The following RAPH1 variants were observed in gnomAD, a reference collection of about 807,000 sequenced individuals.
RAPH1 encodes the protein Ras association (RalGDS/AF-6) and pleckstrin homology domains 1.
Under a neutral mutation model 88.1 loss-of-function variants are expected in RAPH1, and 18 were observed. That is an observed-to-expected ratio of 0.20 (90% CI 0.14 to 0.30). RAPH1 has a LOEUF of 0.30. Among genes scored for constraint, RAPH1 ranks in the 10% least tolerant of loss-of-function variants. RAPH1 has a pLI of 1.00. For synonymous variants in RAPH1, 587 were observed against 559.0 expected (o/e 1.05, Z -0.71); for missense variants, 1,448 against 1,543.2 (o/e 0.94, Z 1.03).
Position 203,438,111 on chromosome 2 carries a change from T to TG in RAPH1, c.*1325dup. ...AAAACGTAATGTCAGTTACTGGACT[T>TG]GGACTGTCCCACTCCATCAGAACAC... On this transcript the variant is annotated 3_prime_UTR_variant, in exon 14 of 14. Transcript: ENST00000319170. The TG allele has an allele frequency of 1.9e-6, 1 of 518,134 alleles. No individual in the cohort carries two copies. The highest frequency in any genetic ancestry group is 1.4e-5 in the South Asian group (1 of 71,140). The allele number at this position is 518,134 out of a possible 1,614,324, so 32.1% of individuals were successfully genotyped here. A position where few individuals can be genotyped will look rare whatever the true frequency, so the allele number is the denominator to read the frequency against.
chr2:203,473,073 C>T (rs1442924394), intron 4 of RAPH1, among the ~76,000 whole-genome samples: 2 of 152,070 alleles, frequency 1.3e-5, no homozygotes, highest in Admixed American at 1.3e-4. Flanking sequence ...TGGATGGTTA[C>T]GTAGCTATTC....
At chr2:203,445,930 A>G (rs966879897) in intron 12 of RAPH1, 3 of 152,134 alleles carry the variant, frequency 2.0e-5, no homozygotes, top group Admixed American at 1.3e-4. Context: ...CCATTTAGCA[A>G]TATGTTTGGT....
chr2:203,522,670 G>C (rs780275414), intron 1 of RAPH1, among the ~76,000 whole-genome samples: 1 of 152,078 alleles, frequency 6.6e-6, no homozygotes, highest in Non-Finnish European at 1.5e-5. Context: ...GGAAGGCTGA[G>C]GCAGGCGGAT....
intron 1 of RAPH1, among the ~76,000 whole-genome samples, chr2:203,519,987 G>T (rs1689790857): frequency 6.6e-6 from 1 of 152,114 alleles, no homozygotes; most frequent in Non-Finnish European, 1.5e-5. Flanking sequence ...CTTTGTCACT[G>T]GAATTTCTTA....
chr2:203,491,131 T>G, intron 3 of RAPH1, 83 bp downstream of exon 3: 2 of 753,670 alleles, frequency 2.7e-6, no homozygotes, highest in East Asian at 5.5e-5. Flanking sequence ...ATCGAGTTTT[T>G]ATATTGGGAA....
At chr2:203,531,326 GCAAA>G (rs1159615258) in intron 1 of RAPH1, among the ~76,000 whole-genome samples, 1 of 152,100 alleles carries the variant, frequency 6.6e-6, no homozygotes, top group African/African-American at 2.4e-5. Flanking sequence ...AATGGGGGCA[GCAAA>G]CAAACATGGC....
At position 203,437,688 on chromosome 2, in the gene RAPH1, G is replaced by A. The variant is rs1368201348; in HGVS notation, c.*1749C>T. On this transcript the variant is annotated 3_prime_UTR_variant, in exon 14 of 14. Coordinates refer to ENST00000319170, the MANE Select transcript of RAPH1 (RefSeq NM_213589.3). ...CTGTTTACGATGCGGTTTTCGTGGA[G>A]TGTGGGTTATGCAAGACCTTGAGTA... 6.5e-6 allele frequency: 1 copy of A among 154,296 alleles called. No homozygotes were observed. The highest frequency in any genetic ancestry group is 6.5e-5 in the Admixed American group (1 of 15,378). The allele number at this position is 154,296 out of a possible 1,614,324, so 9.6% of individuals were successfully genotyped here.
chr2:203,501,368 A>G (rs548450954), intron 1 of RAPH1, among the ~76,000 whole-genome samples: 1 of 152,356 alleles, frequency 6.6e-6, no homozygotes, highest in Non-Finnish European at 1.5e-5. Flanking sequence ...CAACTACACT[A>G]TTTTAAAACA....
At chr2:203,513,105 T>C (rs1483392114) in intron 1 of RAPH1, among the ~76,000 whole-genome samples, 1 of 152,044 alleles carries the variant, frequency 6.6e-6, no homozygotes, top group Non-Finnish European at 1.5e-5. Flanking sequence ...AAACAAGGAA[T>C]CAGGAGACTT....
chr2:203,512,355 C>CA (rs371978714), intron 1 of RAPH1, among the ~76,000 whole-genome samples: 46,523 of 103,096 alleles, frequency 0.45, 8,719 homozygotes, highest in African/African-American at 0.56. Flanking sequence ...GACTCTGTCT[C>CA]AAAAAAAAAA....
At chr2:203,444,386 C>T (rs991590985) in intron 13 of RAPH1, 1 of 137,270 alleles carries the variant, frequency 7.3e-6, no homozygotes, top group East Asian at 2.2e-4. Flanking sequence ...GAGCTGAGAT[C>T]ACGCCACTGC....
intron 1 of RAPH1, among the ~76,000 whole-genome samples, chr2:203,509,639 G>A (rs890329823): frequency 1.3e-5 from 2 of 152,098 alleles, no homozygotes; most frequent in Admixed American, 1.3e-4. Flanking sequence ...CAGATAGGAG[G>A]TATTACTAAA....
At chr2:203,510,988 G>A (rs1353855259) in intron 1 of RAPH1, among the ~76,000 whole-genome samples, 1 of 151,970 alleles carries the variant, frequency 6.6e-6, no homozygotes, top group Non-Finnish European at 1.5e-5. Flanking sequence ...AACAAGAGAG[G>A]AGTTAGATGC....
chr2:203,444,541 C>T (rs866347111), intron 13 of RAPH1: 18 of 327,776 alleles, frequency 5.5e-5, no homozygotes, highest in Middle Eastern at 7.7e-4. Context: ...GTTTTGCCAT[C>T]CAAACTGCTT....
At chr2:203,511,414 T>A (rs1054141573) in intron 1 of RAPH1, among the ~76,000 whole-genome samples, 3 of 152,182 alleles carry the variant, frequency 2.0e-5, no homozygotes, top group Non-Finnish European at 4.4e-5. Flanking sequence ...CACTTTAGCT[T>A]CAGAAGAGTA....
At chr2:203,474,038 G>A (rs2098535328) in intron 4 of RAPH1, among the ~76,000 whole-genome samples, 2 of 152,196 alleles carry the variant, frequency 1.3e-5, no homozygotes, top group African/African-American at 4.8e-5. Flanking sequence ...TAAGTGGTAG[G>A]TGAGCAAGGA....
chr2:203,457,273 C>T (rs918858944), intron 8 of RAPH1, among the ~76,000 whole-genome samples: 18 of 151,982 alleles, frequency 1.2e-4, no homozygotes, highest in African/African-American at 3.6e-4. Context: ...CTGCAACCTC[C>T]GCATCCCGGG....
At chr2:203,481,936 G>C (rs1290886480) in intron 4 of RAPH1, among the ~76,000 whole-genome samples, 1 of 150,918 alleles carries the variant, frequency 6.6e-6, no homozygotes, top group Non-Finnish European at 1.5e-5. Context: ...CTAAAAAAAA[G>C]GTCCTTCACC....
At chr2:203,476,312 A>G (rs1237567602) in intron 4 of RAPH1, among the ~76,000 whole-genome samples, 1 of 152,082 alleles carries the variant, frequency 6.6e-6, no homozygotes, top group East Asian at 1.9e-4. Flanking sequence ...CTGGGATTAC[A>G]GGCATGTGCC....
Sources: gnomAD v4.1 joint callset for allele counts (sites outside exome capture counted in the v4.1 genomes callset) on GRCh38, gnomAD v4.1.1 for gene constraint, MANE v1.5 for transcripts, NCBI Gene and HGNC (gene_info 2026-07-23, HGNC 2026-07-21) for gene names.